HERC2: variants seen among roughly 807,000 people sequenced by gnomAD.
HERC2 encodes E3 ubiquitin-protein ligase HERC2.
A neutral mutation model predicts 537.7 loss-of-function variants in HERC2; 102 were observed. The observed-to-expected ratio is 0.19, with a 90% CI of 0.16 to 0.22. HERC2 has a LOEUF of 0.22. HERC2 is among the 10% of genes least tolerant of loss of function. The probability of loss-of-function intolerance (pLI) is 1.00; values close to 1 mark genes in which losing one functional copy is unlikely to be tolerated. For synonymous variants in HERC2, 2,224 were observed against 2,466.2 expected, an observed-to-expected ratio of 0.90 and a Z score of 2.91; for missense variants, 4,236 against 6,198.2, an observed-to-expected ratio of 0.68 and a Z score of 10.63.
At chr15:28,127,320 C>T (rs1889607500) in intron 83 of HERC2, among the ~76,000 whole-genome samples, 1 of 152,208 alleles carries the variant, frequency 6.6e-6, no homozygotes. Context: ...AGCCAAGACC[C>T]CCACATGCAA....
chr15:28,295,116 C>A (rs547020541), intron 3 of HERC2, among the ~76,000 whole-genome samples: 1 of 152,052 alleles, frequency 6.6e-6, no homozygotes, highest in Non-Finnish European at 1.5e-5. Context: ...CTGATAACAC[C>A]AAGTGCTAAC....
In HERC2 at chr15:28,177,240, C is replaced by T. The variant is rs1028911249; in HGVS notation, c.9255-113G>A. The T allele has an allele frequency of 3.9e-6, 5 of 1,277,622 alleles. No individual in the cohort carries two copies. The African/African-American group carries it at 7.4e-5, about 19-fold the overall frequency. 79.1% of individuals were successfully genotyped at this position (1,277,622 alleles called of 1,614,324 possible). A position where few individuals can be genotyped will look rare whatever the true frequency, so the allele number is the denominator to read the frequency against. On this transcript the variant is annotated intron_variant, in intron 60 of 92. Transcript: ENST00000261609. The surrounding 1 kb of genome is among the most constrained non-coding windows in gnomAD (Gnocchi z 5.0). ...AGTCAACACAGGATCCACAGATCAA[C>T]TATCAAAACTTAAAGCAGAACCGGT...
intron 69 of HERC2, among the ~76,000 whole-genome samples, chr15:28,162,150 T>C (rs1377110037): frequency 7.9e-5 from 12 of 151,988 alleles, no homozygotes; most frequent in Non-Finnish European, 1.6e-4. Context: ...GCCAACATGG[T>C]GAAACCCCAT....
rs182385364 is a variant in HERC2, at chr15:28,165,901, G to T, written c.10554+1786C>A. ...ACCCAAACAGCAACAAGCACACAAA[G>T]GGCCCAGATCTTGACCTCTAAATGC... is the stretch of plus-strand genomic sequence containing the variant. On this transcript the variant is annotated intron_variant, in intron 68 of 92. Transcript: ENST00000261609. 2.6e-5 allele frequency among the ~76,000 whole-genome samples: 4 copies of T among 152,292 alleles called. No homozygotes were observed. The East Asian group carries it at 5.8e-4, about 22-fold the overall frequency.
Position 28,152,723 on chromosome 15 carries a change from G to A in HERC2, c.10854C>T (p.His3618=). 5 of 1,551,932 alleles carry A rather than the reference G, an allele frequency of 3.2e-6. No individual in the cohort carries two copies. Among genetic ancestry groups the A allele is most frequent in the Non-Finnish European group, 4.4e-6 (5 of 1,147,322 alleles). Residue 3618 remains histidine (H), a synonymous_variant, in exon 70 of 93, where the codon CAC becomes CAT. Transcript: ENST00000261609. ...TGGTGGAGGTGTCGTCGGTGTAAGG[G>A]TGGCTACTCTCCACCACCACAGGCT... ...SSQPVVVESS[H]PYTDDTSTSG...
intron 39 of HERC2, 50 bp from the exon 40 acceptor site, chr15:28,214,852 G>A: frequency 1.4e-6 from 2 of 1,415,942 alleles, no homozygotes; most frequent in Non-Finnish European, 2.0e-6. Flanking sequence ...ATCTGATGAG[G>A]AAACTACAGA....
chr15:28,235,784 T>A (rs1168239050), intron 26 of HERC2, among the ~76,000 whole-genome samples: 3 of 152,092 alleles, frequency 2.0e-5, no homozygotes, highest in Non-Finnish European at 4.4e-5. Context: ...CAGAGGCGTG[T>A]CCTACCCATC....
rs1392545323 is a variant in HERC2 at position 28,274,947 on chromosome 15, G to A, written c.601C>T (p.Leu201=). Residue 201 remains leucine (L), a synonymous_variant, in exon 6 of 93, where the codon CTG becomes TTG. Transcript: ENST00000261609. ...CGCAGGAAGGCAAAGGCAAAAGACA[G>A]CGCCGCTCGGGATCCCACTCTGGCG... The part of the protein sequence containing the change: ...GLARVGSRAA[L]SFAFAFLRRA... 3 of 1,610,652 alleles carry A rather than the reference G, an allele frequency of 1.9e-6. No homozygotes were observed. Among genetic ancestry groups the A allele is most frequent in the Admixed American group, 1.7e-5 (1 of 60,006 alleles).
intron 35 of HERC2, among the ~76,000 whole-genome samples, chr15:28,225,821 G>A (rs1901088629): frequency 1.3e-5 from 2 of 152,144 alleles, no homozygotes; most frequent in Non-Finnish European, 2.9e-5. Flanking sequence ...GTGAACTACT[G>A]TATGCCAACA....
intron 16 of HERC2, among the ~76,000 whole-genome samples, chr15:28,260,442 C>G (rs139712645): frequency 6.6e-6 from 1 of 152,302 alleles, no homozygotes; most frequent in African/African-American, 2.4e-5. Flanking sequence ...AACTGCCTTC[C>G]CCTACAGTCA....
At chr15:28,234,678 TG>T in intron 26 of HERC2, among the ~76,000 whole-genome samples, 1 of 149,998 alleles carries the variant, frequency 6.7e-6, no homozygotes, top group Non-Finnish European at 1.5e-5. Context: ...AGTCCGAAAC[TG>T]TGCAACAGAT....
chr15:28,289,706 T>C (rs1449343429), intron 4 of HERC2, among the ~76,000 whole-genome samples: 2 of 152,244 alleles, frequency 1.3e-5, no homozygotes, highest in African/African-American at 2.4e-5. Flanking sequence ...TTGGTAAACA[T>C]ACCTAAAATC....
At chr15:28,238,832 C>T in intron 23 of HERC2, 60 bp from the exon 24 acceptor site, 1 of 1,245,094 alleles carries the variant, frequency 8.0e-7, no homozygotes, top group South Asian at 1.2e-5. Context: ...ATGAAAAGAA[C>T]AAACTGTGTG....
At chr15:28,258,030 C>A (rs1379838953) in intron 16 of HERC2, among the ~76,000 whole-genome samples, 1 of 152,100 alleles carries the variant, frequency 6.6e-6, no homozygotes, top group Non-Finnish European at 1.5e-5. Flanking sequence ...TAAGAGAGAA[C>A]ATATCCTGAG....
At position 28,121,424 on chromosome 15, in the gene HERC2, C is replaced by T. The variant is rs372640210; in HGVS notation, c.13194G>A (p.Ala4398=). ...RGILISQGKE[A]AFRKVVQATM... Reference sequence around the variant, plus strand: ...TTGCTTGTACTACTTTCCGGAAAGCCGCCTCCTAAAACACATCAAACAGAC... The same window carrying T: ...TTGCTTGTACTACTTTCCGGAAAGCTGCCTCCTAAAACACATCAAACAGAC... Residue 4398 remains alanine, a synonymous_variant, in exon 86 of 93, where the codon GCG becomes GCA. Coordinates refer to ENST00000261609, the MANE Select transcript of HERC2 (RefSeq NM_004667.6). 36 of 1,613,810 alleles carry T rather than the reference C, an allele frequency of 2.2e-5. No individual in the cohort carries two copies. The highest frequency in any genetic ancestry group is 1.6e-4 in the Middle Eastern group (1 of 6,084).
At position 28,233,781 on chromosome 15, in the gene HERC2, T is replaced by C. The variant is rs371675001; in HGVS notation, c.4234A>G (p.Ile1412Val). 4.3e-6 allele frequency: 7 copies of C among 1,612,338 alleles called. No homozygotes were observed. In the African/African-American group the frequency reaches 9.4e-5, roughly 22 times the overall value. ...DHNVKDFLCQ[I>V]ERYCRQCHLT... The stretch of plus-strand genomic sequence containing the variant: ...TGGCACTGCCTACAGTACCTTTCTA[T>C]TTGACACAAAAAGTCCTGCAACAGA... The change falls in exon 28 of 93, where the codon ATA becomes GTA. Residue 1412 changes from isoleucine (I) to valine (V), a missense_variant. This residue lies in a region of HERC2 where 94 missense variants were observed against 174.9 expected (regional missense o/e 0.54). Transcript: ENST00000261609.
In HERC2 at chr15:28,140,603, C is replaced by T. The variant is rs1205690216; in HGVS notation, c.12015+829G>A. ...GTGGTGTGATCTCGGCTCACTGCAACCTCCATCTCCCGGGTTCCAGTGATT... is the reference window on the plus strand; with the variant it reads ...GTGGTGTGATCTCGGCTCACTGCAATCTCCATCTCCCGGGTTCCAGTGATT... On this transcript the variant is annotated intron_variant, in intron 78 of 92. Transcript: ENST00000261609. Among the ~76,000 whole-genome samples, 3 of 151,760 alleles carry T rather than the reference C, an allele frequency of 2.0e-5. No homozygotes were observed. In the East Asian group the frequency reaches 5.9e-4, roughly 30 times the overall value.
In HERC2 at chr15:28,265,860, C is replaced by G. The variant is rs1439956620; in HGVS notation, c.1713G>C (p.Glu571Asp). The G allele has an allele frequency of 6.2e-7, 1 of 1,614,202 alleles. No individual in the cohort carries two copies. The change falls in exon 13 of 93, where the codon GAG (glutamate) becomes GAC (aspartate). Residue 571 changes from glutamate (E) to aspartate (D), a missense_variant. By Grantham distance (45) the Glu-to-Asp change is conservative. Around this residue, in one of 27 missense-constraint regions of HERC2, gnomAD observed 754 missense variants for 1,085.0 expected, o/e 0.69. Transcript: ENST00000261609. The surrounding 1 kb of genome is among the most constrained non-coding windows in gnomAD (Gnocchi z 4.0). ...TYSAAITAEG[E>D]LYTWGRGNYG... ...AGTTCCCGCGGCCCCAGGTGTACAG[C>G]TCCCCCTCGGCAGTGATGGCCGCAC... is the stretch of plus-strand genomic sequence containing the variant.
In HERC2 at chr15:28,111,714, G is replaced by A. The variant is rs771572990; in HGVS notation, c.*49C>T. On this transcript the variant is annotated 3_prime_UTR_variant, in exon 93 of 93. Coordinates refer to ENST00000261609, the MANE Select transcript of HERC2 (RefSeq NM_004667.6). ...GCCTACAGTCTACACAGCAGCGAGCGCTCTGCTGCCTGGCTCAGGCTCTCA... is the reference window on the plus strand; with the variant it reads ...GCCTACAGTCTACACAGCAGCGAGCACTCTGCTGCCTGGCTCAGGCTCTCA... 3.2e-6 allele frequency: 5 copies of A among 1,583,710 alleles called. No individual in the cohort carries two copies. In the South Asian group the frequency reaches 3.4e-5, roughly 11 times the overall value.
Sources: allele counts gnomAD v4.1 joint callset (sites outside exome capture counted in the v4.1 genomes callset), GRCh38; gene constraint gnomAD v4.1.1; regional missense constraint gnomAD v4.1.1; non-coding constraint Gnocchi (gnomAD v3.1); transcripts MANE v1.5; gene names NCBI Gene and HGNC (gene_info 2026-07-23, HGNC 2026-07-21).